The following RYR1 variants were observed in gnomAD, a reference collection of about 807,000 sequenced individuals.
The protein encoded by RYR1 is central core disease of muscle.
A neutral mutation model predicts 583.5 loss-of-function variants in RYR1; 342 were observed. That is an observed-to-expected ratio of 0.59 (90% CI 0.54 to 0.64). The LOEUF (loss-of-function observed/expected upper bound fraction) is 0.64, where lower values mean the gene tolerates loss of function less well. RYR1 is among the 30% of genes least tolerant of loss of function. The probability of loss-of-function intolerance (pLI) is 0.00; values close to 1 mark genes in which losing one functional copy is unlikely to be tolerated. For synonymous variants in RYR1, 2,791 were observed against 2,822.5 expected, an observed-to-expected ratio of 0.99 and a Z score of 0.35; for missense variants, 6,032 against 6,917.2, an observed-to-expected ratio of 0.87 and a Z score of 4.54.
chr19:38,446,014 A>G (rs1411463279), intron 7 of RYR1, among the ~76,000 whole-genome samples: 2 of 152,000 alleles, frequency 1.3e-5, no homozygotes, highest in African/African-American at 4.8e-5. Context: ...AAACGAAACA[A>G]AAAAACCCTC....
In RYR1 at chr19:38,525,559, A is replaced by G. The variant is rs921214008; in HGVS notation, c.10626+57A>G. 2.1e-4 allele frequency: 331 copies of G among 1,570,026 alleles called. 1 individual carries two copies. In the East Asian group the frequency reaches 7.6e-3, roughly 36 times the overall value. On this transcript the variant is annotated intron_variant, in intron 71 of 105. Coordinates refer to ENST00000359596, the MANE Select transcript of RYR1 (RefSeq NM_000540.3). ...CAGGATGCCGCCCAGCACCCACTGA[A>G]CCCCTGGGACCTTAGGGAACAACCA...
chr19:38,466,644 G>A (rs568636874), intron 24 of RYR1, among the ~76,000 whole-genome samples: 20 of 151,868 alleles, frequency 1.3e-4, no homozygotes, highest in Admixed American at 2.6e-4. Flanking sequence ...TGGGATTACC[G>A]GCGGGTGCCA....
Position 38,489,339 on chromosome 19 carries a change from G to C in RYR1, c.5710G>C (p.Glu1904Gln). 1.2e-6 allele frequency: 2 copies of C among 1,609,894 alleles called. No homozygotes were observed. The highest frequency in any genetic ancestry group is 1.7e-6 in the Non-Finnish European group (2 of 1,176,222). The stretch of plus-strand genomic sequence containing the variant: ...TGAGGAGGAAACAGCACAGGAAAAG[G>C]AAGATGAGGAAAAAGAGGAAGAGGA... ...EDEEETAQEK[E>Q]DEEKEEEEAA... Residue 1904 changes from glutamate (E) to glutamine (Q), a missense_variant, in exon 35 of 106, where the codon GAA (glutamate) becomes CAA (glutamine). Glu to Gln is a conservative substitution (Grantham distance 29). Coordinates refer to ENST00000359596, the MANE Select transcript of RYR1 (RefSeq NM_000540.3).
chr19:38,437,520 G>A (rs990192436), intron 1 of RYR1, among the ~76,000 whole-genome samples: 22 of 152,200 alleles, frequency 1.4e-4, no homozygotes, highest in African/African-American at 5.3e-4. Flanking sequence ...ATGGGGACAA[G>A]ATTATATACA....
intron 81 of RYR1, 30 bp downstream of exon 81, chr19:38,535,422 G>A (rs1246582517): frequency 1.9e-6 from 3 of 1,569,508 alleles, no homozygotes; most frequent in Non-Finnish European, 1.8e-6. Flanking sequence ...TTCTTGTTAA[G>A]CTGTGTTTGG....
chr19:38,433,923 C>A, intron 1 of RYR1, 49 bp downstream of exon 1: 1 of 1,512,718 alleles, frequency 6.6e-7, no homozygotes, highest in Non-Finnish European at 9.2e-7. Context: ...TTGGGGCTCT[C>A]TGAGGGTCTC....
chr19:38,455,661 C>T lies in RYR1; in HGVS notation c.1701C>T (p.Leu567=). ...SGILEVLYCV[L]IESPEVLNII... is the part of the protein sequence containing the mutation. The stretch of plus-strand genomic sequence containing the variant: ...TCCTGGAGGTCCTGTACTGTGTCCT[C>T]ATTGAGAGTCCAGAGGTTCTGAACA... The change falls in exon 16 of 106, where the codon CTC becomes CTT. Residue 567 remains leucine, a synonymous_variant. Transcript: ENST00000359596. 6.2e-7 allele frequency: 1 copy of T among 1,613,870 alleles called. No individual in the cohort carries two copies. Among genetic ancestry groups the T allele is most frequent in the Middle Eastern group, 1.7e-4 (1 of 6,060 alleles).
intron 66 of RYR1, among the ~76,000 whole-genome samples, chr19:38,518,852 G>A (rs1384757212): frequency 2.0e-5 from 3 of 151,964 alleles, no homozygotes; most frequent in Admixed American, 6.6e-5. Context: ...GCTTGAACTC[G>A]GGAGGCAGAG....
At chr19:38,480,776 A>G (rs1263746663) in intron 31 of RYR1, among the ~76,000 whole-genome samples, 3 of 151,424 alleles carry the variant, frequency 2.0e-5, no homozygotes, top group Non-Finnish European at 4.4e-5. Flanking sequence ...ACAATGTCTC[A>G]CTCTGTCACC....
intron 24 of RYR1, 75 bp downstream of exon 24, chr19:38,466,473 C>T (rs1176806590): frequency 2.2e-6 from 3 of 1,356,928 alleles, no homozygotes; most frequent in East Asian, 2.5e-5. Flanking sequence ...TGATCTCTGA[C>T]CTGACTCAGC....
intron 101 of RYR1, among the ~76,000 whole-genome samples, chr19:38,581,947 T>C (rs1392223554): frequency 1.3e-5 from 2 of 152,286 alleles, no homozygotes; most frequent in South Asian, 2.1e-4. Flanking sequence ...GGAAAGGTAC[T>C]CAGGGAGCGT....
At chr19:38,521,759 T>G (rs949717775) in intron 67 of RYR1, among the ~76,000 whole-genome samples, 1 of 139,594 alleles carries the variant, frequency 7.2e-6, no homozygotes, top group East Asian at 2.1e-4. Flanking sequence ...CAGGCTGGGG[T>G]GCAGTGGTGC....
intron 16 of RYR1, among the ~76,000 whole-genome samples, chr19:38,457,198 C>T (rs150851851): frequency 1.3e-5 from 2 of 152,154 alleles, no homozygotes; most frequent in African/African-American, 2.4e-5. Context: ...TCTCACTGGT[C>T]GTTTCAGTCT....
At chr19:38,575,176 C>A (rs1973901603) in intron 96 of RYR1, among the ~76,000 whole-genome samples, 1 of 152,172 alleles carries the variant, frequency 6.6e-6, no homozygotes, top group African/African-American at 2.4e-5. Flanking sequence ...CAGGCAGTTG[C>A]ACTGGAGTTG....
At chr19:38,578,626 A>G (rs952433946) in intron 99 of RYR1, among the ~76,000 whole-genome samples, 5 of 151,334 alleles carry the variant, frequency 3.3e-5, no homozygotes, top group Non-Finnish European at 7.4e-5. Context: ...TGAGGTCAGG[A>G]GTTCAAGACA....
rs755024845 is a variant in RYR1 at position 38,494,416 on chromosome 19, C to T, written c.6339C>T (p.Ser2113=). ...VRWAQEDFVQ[S]PELVRAMFSL... The stretch of plus-strand genomic sequence containing the variant: ...GGGCCCAAGAGGACTTCGTGCAGAG[C>T]CCCGAGCTGGTGCGGGCCATGTTCA... Residue 2113 remains serine (S), a synonymous_variant, in exon 39 of 106, where the codon AGC becomes AGT. Coordinates refer to ENST00000359596, the MANE Select transcript of RYR1 (RefSeq NM_000540.3). 1.2e-6 allele frequency: 2 copies of T among 1,612,132 alleles called. No homozygotes were observed. Among genetic ancestry groups the T allele is most frequent in the Non-Finnish European group, 8.5e-7 (1 of 1,180,024 alleles).
chr19:38,520,855 G>A (rs1449630717), intron 67 of RYR1, among the ~76,000 whole-genome samples: 1 of 152,182 alleles, frequency 6.6e-6, no homozygotes, highest in Non-Finnish European at 1.5e-5. Flanking sequence ...GGCAGTGGGA[G>A]TGAACAAGTT....
intron 66 of RYR1, among the ~76,000 whole-genome samples, chr19:38,518,401 T>TAA (rs10714494): frequency 1.7e-3 from 193 of 113,788 alleles, no homozygotes; most frequent in Middle Eastern, 4.7e-3. Context: ...CTCTATTATT[T>TAA]AAAAAAAAAA....
intron 78 of RYR1, among the ~76,000 whole-genome samples, chr19:38,534,097 C>T (rs1971860149): frequency 6.6e-6 from 1 of 151,214 alleles, no homozygotes; most frequent in South Asian, 2.1e-4. Flanking sequence ...CTGCAACCTC[C>T]ACCTCCCGGG....
Sources: gnomAD v4.1 joint callset for allele counts (sites outside exome capture counted in the v4.1 genomes callset) on GRCh38, gnomAD v4.1.1 for gene constraint, MANE v1.5 for transcripts, NCBI Gene and HGNC (gene_info 2026-07-23, HGNC 2026-07-21) for gene names.